The following VMP1 variants were observed in gnomAD, a reference collection of about 807,000 sequenced individuals.
The protein encoded by VMP1 is ectopic P-granules autophagy protein 3 homolog.
Under a neutral mutation model 56.0 loss-of-function variants are expected in VMP1, and 11 were observed. The ratio of observed to expected loss-of-function variants is 0.20; its 90% CI spans 0.12 to 0.32. The LOEUF (loss-of-function observed/expected upper bound fraction) is 0.32. VMP1 is among the 10% of genes least tolerant of loss of function. The pLI, the probability that VMP1 is intolerant of heterozygous loss-of-function variation, is 1.00. For missense variants in VMP1, 296 were observed against 490.3 expected (o/e 0.60, Z 3.74); for synonymous variants, 149 against 165.0 (o/e 0.90, Z 0.74).
At chr17:59,725,143 C>T (rs1382154781) in intron 1 of VMP1, among the ~76,000 whole-genome samples, 2 of 151,908 alleles carry the variant, frequency 1.3e-5, no homozygotes, top group African/African-American at 2.4e-5. Flanking sequence ...GGCAACACAG[C>T]GAGACTGTCT....
intron 10 of VMP1, among the ~76,000 whole-genome samples, chr17:59,824,048 C>T (rs998047952): frequency 1.3e-5 from 2 of 151,904 alleles, no homozygotes; most frequent in African/African-American, 2.4e-5. Context: ...GTCAGGAATT[C>T]GAGACCATGC....
At chr17:59,826,765 C>T (rs747262250) in intron 10 of VMP1, among the ~76,000 whole-genome samples, 32 of 152,080 alleles carry the variant, frequency 2.1e-4, no homozygotes, top group Admixed American at 1.6e-3. Flanking sequence ...TCCTCATGAA[C>T]CAGTTCTTTC....
At chr17:59,735,598 C>T (rs1203484707) in intron 3 of VMP1, 125 bp downstream of exon 3, 8 of 991,192 alleles carry the variant, frequency 8.1e-6, no homozygotes. Flanking sequence ...AGAATATTAC[C>T]ATAGGAACAT....
intron 5 of VMP1, among the ~76,000 whole-genome samples, chr17:59,763,591 C>T (rs578155673): frequency 6.6e-6 from 1 of 152,120 alleles, no homozygotes; most frequent in South Asian, 2.1e-4. Flanking sequence ...ATAAATATCA[C>T]ATATGTGTGA....
At chr17:59,827,476 C>A (rs1428852581) in intron 10 of VMP1, among the ~76,000 whole-genome samples, 1 of 151,956 alleles carries the variant, frequency 6.6e-6, no homozygotes, top group Non-Finnish European at 1.5e-5. Context: ...ACCACCACCC[C>A]CAGCTAATTT....
intron 5 of VMP1, among the ~76,000 whole-genome samples, chr17:59,747,665 C>T (rs936813658): frequency 6.6e-6 from 1 of 151,328 alleles, no homozygotes; most frequent in Non-Finnish European, 1.5e-5. Flanking sequence ...CCCGCTTTGG[C>T]CTCCCAAAGT....
chr17:59,811,935 G>T, intron 9 of VMP1, 149 bp downstream of exon 9: 1 of 567,754 alleles, frequency 1.8e-6, no homozygotes. Context: ...AATGTCATTT[G>T]GAATTAGTGA....
rs553975851 is a variant in VMP1, at chr17:59,753,671, TA to T, written c.415-11299del. Among the ~76,000 whole-genome samples, 1,096 of 152,296 alleles carry T rather than the reference TA, an allele frequency of 7.2e-3. 11 individuals are homozygous for T. The highest frequency in any genetic ancestry group is 0.025 in the African/African-American group (1,041 of 41,570). ...TGGCAAAAGACTTCACAAAGCCCCATATCCCTTTCAGTTAAGCCCAGCTTCT... is the reference window on the plus strand; with the variant it reads ...TGGCAAAAGACTTCACAAAGCCCCATTCCCTTTCAGTTAAGCCCAGCTTCT... On this transcript the variant is annotated intron_variant, in intron 5 of 11. Transcript: ENST00000262291.
chr17:59,751,296 A>G (rs772201277), intron 5 of VMP1, among the ~76,000 whole-genome samples: 10 of 152,198 alleles, frequency 6.6e-5, no homozygotes, highest in Non-Finnish European at 8.8e-5. Context: ...TACATGAGCG[A>G]TCAGGAATGC....
At chr17:59,826,426 G>A (rs1461885895) in intron 10 of VMP1, among the ~76,000 whole-genome samples, 4 of 152,154 alleles carry the variant, frequency 2.6e-5, no homozygotes, top group South Asian at 2.1e-4. Context: ...AAGGTCAAGC[G>A]AAAGTCATGT....
intron 8 of VMP1, among the ~76,000 whole-genome samples, chr17:59,810,864 GAGA>G (rs897744914): frequency 2.0e-4 from 31 of 152,184 alleles, no homozygotes; most frequent in African/African-American, 7.2e-4. Context: ...ACTTTCATAG[GAGA>G]AGAAGGGATG....
At chr17:59,772,153 G>C (rs1020039893) in intron 6 of VMP1, among the ~76,000 whole-genome samples, 1 of 151,824 alleles carries the variant, frequency 6.6e-6, no homozygotes, top group Admixed American at 6.6e-5. Flanking sequence ...ACCATGCCCA[G>C]CTAATTTTTT....
At chr17:59,786,707 A>G (rs575808247) in intron 7 of VMP1, among the ~76,000 whole-genome samples, 6 of 152,198 alleles carry the variant, frequency 3.9e-5, no homozygotes, top group Non-Finnish European at 8.8e-5. Context: ...CTGTAACCAC[A>G]GGGCTTGTTA....
chr17:59,758,089 G>T (rs190566588), intron 5 of VMP1, among the ~76,000 whole-genome samples: 29 of 151,840 alleles, frequency 1.9e-4, no homozygotes, highest in Middle Eastern at 3.4e-3. Flanking sequence ...TGAGTGTCCC[G>T]CCTCAGCCTC....
At chr17:59,744,450 G>A (rs555653356) in intron 5 of VMP1, among the ~76,000 whole-genome samples, 5 of 90,084 alleles carry the variant, frequency 5.6e-5, no homozygotes, top group East Asian at 6.3e-4. Context: ...CAACAAGAGC[G>A]AAATTCCATC....
intron 1 of VMP1, among the ~76,000 whole-genome samples, chr17:59,726,168 A>T (rs368895349): frequency 6.6e-6 from 1 of 152,150 alleles, no homozygotes; most frequent in African/African-American, 2.4e-5. Context: ...ATCCTTAAAT[A>T]TCTTATTTGT....
intron 7 of VMP1, among the ~76,000 whole-genome samples, chr17:59,793,632 A>T (rs2037318150): frequency 8.7e-6 from 1 of 114,478 alleles, no homozygotes. Context: ...GTGTTTATTT[A>T]TTTATTTTTT....
At chr17:59,780,170 T>C (rs1018323814) in intron 7 of VMP1, among the ~76,000 whole-genome samples, 1 of 152,252 alleles carries the variant, frequency 6.6e-6, no homozygotes, top group South Asian at 2.1e-4. Context: ...GTAAAGCCAA[T>C]AATTAAAATC....
intron 3 of VMP1, among the ~76,000 whole-genome samples, chr17:59,736,500 T>C (rs1252170784): frequency 6.6e-6 from 1 of 151,122 alleles, no homozygotes; most frequent in Non-Finnish European, 1.5e-5. Flanking sequence ...TTTAGGCCAT[T>C]TGGGAGGCTG....
Sources: gnomAD v4.1 joint callset for allele counts (sites outside exome capture counted in the v4.1 genomes callset) on GRCh38, gnomAD v4.1.1 for gene constraint, MANE v1.5 for transcripts, NCBI Gene and HGNC (gene_info 2026-07-23, HGNC 2026-07-21) for gene names.